PARM1: variants seen among roughly 807,000 people sequenced by gnomAD.
The protein encoded by PARM1 is prostate androgen-regulated mucin-like protein 1.
PARM1 carries 14 observed loss-of-function variants against 24.6 expected under a neutral mutation model. The ratio of observed to expected loss-of-function variants is 0.57; its 90% confidence interval spans 0.38 to 0.89. PARM1 has a LOEUF of 0.89. PARM1 is among the 40% of genes least tolerant of loss of function. The pLI is 0.00. For synonymous variants in PARM1, 179 were observed against 156.6 expected (o/e 1.14, Z -1.07); for missense variants, 362 against 380.4 (o/e 0.95, Z 0.40).
chr4:74,986,474 A>G (rs569118392), intron 1 of PARM1, among the ~76,000 whole-genome samples: 7 of 152,306 alleles, frequency 4.6e-5, no homozygotes, highest in African/African-American at 1.7e-4. Flanking sequence ...CTCTCTCTAC[A>G]TTTCCACAAA....
At position 74,983,111 on chromosome 4, in the gene PARM1, T is replaced by C. The variant is rs976298656; in HGVS notation, c.44-29314T>C. 5.3e-5 allele frequency among the ~76,000 whole-genome samples: 8 copies of C among 152,166 alleles called. No individual in the cohort carries two copies. In the South Asian group the frequency reaches 1.7e-3, roughly 31 times the overall value. Reference sequence around the variant, plus strand: ...TTAGAGGGAAAATTAGAGGAACTGATTACAATTCATGACCAGGACAGGTCT... The same window carrying C: ...TTAGAGGGAAAATTAGAGGAACTGACTACAATTCATGACCAGGACAGGTCT... On this transcript the variant is annotated intron_variant, in intron 1 of 3. Transcript: ENST00000307428.
chr4:75,018,405 C>A (rs1462509403), intron 2 of PARM1, among the ~76,000 whole-genome samples: 2 of 152,154 alleles, frequency 1.3e-5, no homozygotes, highest in Non-Finnish European at 2.9e-5. Flanking sequence ...TAAAAGTATT[C>A]AACTGGTGGG....
intron 1 of PARM1, chr4:74,965,531 C>T (rs1171366953): frequency 1.3e-5 from 2 of 152,168 alleles, no homozygotes; most frequent in Admixed American, 6.5e-5. Flanking sequence ...CCCCACCTTC[C>T]CGTATGAAAT....
intron 2 of PARM1, among the ~76,000 whole-genome samples, chr4:75,025,958 C>A (rs1723175879): frequency 6.6e-6 from 1 of 152,056 alleles, no homozygotes; most frequent in African/African-American, 2.4e-5. Context: ...TAATACTTGG[C>A]TAATTTTTAT....
chr4:75,004,311 G>A (rs1169474774), intron 1 of PARM1, among the ~76,000 whole-genome samples: 1 of 152,220 alleles, frequency 6.6e-6, no homozygotes, highest in Non-Finnish European at 1.5e-5. Context: ...AGGGCTCCTA[G>A]CCTGAAGGGG....
intron 2 of PARM1, among the ~76,000 whole-genome samples, chr4:75,024,688 G>T (rs906944102): frequency 1.3e-5 from 2 of 152,174 alleles, no homozygotes; most frequent in Admixed American, 6.5e-5. Flanking sequence ...TTTCCCTTTA[G>T]TTTTTTGTTT....
chr4:75,049,608 T>G lies in PARM1; in HGVS notation c.*3361T>G, dbSNP rs1321500148. On this transcript the variant is annotated 3_prime_UTR_variant, in exon 4 of 4. Transcript: ENST00000307428. ...GACATAGGTCTCAAAGACTCTTGGA[T>G]CAGAATCAGGAGATTAGGGAAAACA... 1 of 152,618 alleles carries G rather than the reference T, an allele frequency of 6.6e-6. No homozygotes were observed. Among genetic ancestry groups the G allele is most frequent in the African/African-American group, 2.4e-5 (1 of 41,450 alleles). 9.5% of individuals were successfully genotyped at this position (152,618 alleles called of 1,614,324 possible).
At chr4:75,037,299 A>G (rs1005473674) in intron 3 of PARM1, among the ~76,000 whole-genome samples, 7 of 152,236 alleles carry the variant, frequency 4.6e-5, no homozygotes, top group Non-Finnish European at 5.9e-5. Context: ...ATAGGGAGCC[A>G]TTAGCTTCTG....
At chr4:74,975,970 C>T (rs1044352579) in intron 1 of PARM1, among the ~76,000 whole-genome samples, 1 of 152,158 alleles carries the variant, frequency 6.6e-6, no homozygotes, top group Non-Finnish European at 1.5e-5. Flanking sequence ...AAGGTGGAGC[C>T]ACAGCCCACC....
intron 1 of PARM1, among the ~76,000 whole-genome samples, chr4:74,977,947 G>T (rs777430508): frequency 7.9e-5 from 12 of 152,180 alleles, no homozygotes; most frequent in Non-Finnish European, 1.6e-4. Flanking sequence ...GGCTTGCCTT[G>T]CAAGAGCTCC....
At chr4:74,985,659 C>T (rs950006846) in intron 1 of PARM1, among the ~76,000 whole-genome samples, 18 of 152,090 alleles carry the variant, frequency 1.2e-4, no homozygotes, top group African/African-American at 3.9e-4. Flanking sequence ...AATGCAGGGC[C>T]CAAACAACAT....
At chr4:74,989,978 AG>A (rs1258295012) in intron 1 of PARM1, among the ~76,000 whole-genome samples, 1 of 152,210 alleles carries the variant, frequency 6.6e-6, no homozygotes, top group African/African-American at 2.4e-5. Context: ...ATGGAAATGT[AG>A]AAAAAATATG....
intron 2 of PARM1, among the ~76,000 whole-genome samples, chr4:75,019,017 A>G (rs570034551): frequency 1.3e-5 from 2 of 152,352 alleles, no homozygotes; most frequent in South Asian, 2.1e-4. Flanking sequence ...TCCCAGGGGT[A>G]GAGCTGCCCA....
chr4:74,940,930 T>A (rs1260016335), intron 1 of PARM1, among the ~76,000 whole-genome samples: 1 of 152,240 alleles, frequency 6.6e-6, no homozygotes, highest in Non-Finnish European at 1.5e-5. Context: ...GGAGAGGATT[T>A]CAGTATATCT....
At chr4:74,958,707 T>C (rs1288738076) in intron 1 of PARM1, among the ~76,000 whole-genome samples, 1 of 152,212 alleles carries the variant, frequency 6.6e-6, no homozygotes, top group Non-Finnish European at 1.5e-5. Context: ...TTCTAGAATG[T>C]GGCTCTGAAG....
intron 1 of PARM1, among the ~76,000 whole-genome samples, chr4:74,952,633 T>A (rs578239536): frequency 5.9e-5 from 9 of 152,206 alleles, no homozygotes; most frequent in Non-Finnish European, 1.3e-4. Context: ...CAGTTTCAGT[T>A]TTCTGCATAT....
intron 1 of PARM1, among the ~76,000 whole-genome samples, chr4:74,936,466 T>TTTTG (rs1560768701): frequency 4.3e-5 from 5 of 116,252 alleles, no homozygotes; most frequent in South Asian, 5.6e-4. Flanking sequence ...TTTTTGTTTT[T>TTTTG]TTTTTGAGAT....
chr4:74,954,178 A>G (rs1721587084), intron 1 of PARM1, among the ~76,000 whole-genome samples: 1 of 152,244 alleles, frequency 6.6e-6, no homozygotes, highest in African/African-American at 2.4e-5. Flanking sequence ...AAGCCTTCTG[A>G]GATGGTATAT....
chr4:74,933,466 T>G, intron 1 of PARM1, 96 bp downstream of exon 1: 4 of 1,052,164 alleles, frequency 3.8e-6, no homozygotes, highest in Non-Finnish European at 5.9e-6. Flanking sequence ...CGGCAGTGAG[T>G]CGCCGCGCGC....
Sources: gnomAD v4.1 joint callset for allele counts (sites outside exome capture counted in the v4.1 genomes callset) on GRCh38, gnomAD v4.1.1 for gene constraint, MANE v1.5 for transcripts, NCBI Gene and HGNC (gene_info 2026-07-23, HGNC 2026-07-21) for gene names.